ADGRA3: variants seen among roughly 807,000 people sequenced by gnomAD.
The protein encoded by ADGRA3 is adhesion G protein-coupled receptor A3.
A neutral mutation model predicts 119.8 loss-of-function variants in ADGRA3; 56 were observed. The observed-to-expected ratio is 0.47, with a 90% CI of 0.38 to 0.58. The LOEUF is 0.58. Among genes scored for constraint, ADGRA3 ranks in the 20% least tolerant of loss-of-function variants. The pLI, the probability that ADGRA3 is intolerant of heterozygous loss-of-function variation, is 0.00. For synonymous variants in ADGRA3, 607 were observed against 623.8 expected (o/e 0.97, Z 0.40); for missense variants, 1,516 against 1,649.0 (o/e 0.92, Z 1.40).
chr4:22,388,750 T>C lies in ADGRA3; in HGVS notation c.2921A>G (p.Asp974Gly). Residue 974 changes from aspartate to glycine, a missense_variant, in exon 19 of 19, where the codon GAT (aspartate) becomes GGT (glycine). By Grantham distance (94) the Asp-to-Gly change is moderately conservative (BLOSUM62 -1). Around this residue, in one of 2 missense-constraint regions of ADGRA3, gnomAD observed 1,088 missense variants for 1,107.1 expected, o/e 0.98. Coordinates refer to ENST00000334304, the MANE Select transcript of ADGRA3 (RefSeq NM_145290.4). ...ANENGEINHQ[D>G]SMSLSLISTS... ...AGAAATCAGAGACAAAGACATTGAA[T>C]CCTGATGATTTATTTCGCCATTTTC... 6.2e-7 allele frequency: 1 copy of C among 1,614,056 alleles called. No homozygotes were observed. The highest frequency in any genetic ancestry group is 8.5e-7 in the Non-Finnish European group (1 of 1,179,928).
In ADGRA3 at chr4:22,435,295, G is replaced by A; in HGVS notation, c.1443+16C>T. ...TGTTGACACTGTATGCTACAAATCT[G>A]AATTTAGAGAAGTACCTCTTTTGAT... On this transcript the variant is annotated intron_variant, in intron 10 of 18. Coordinates refer to ENST00000334304, the MANE Select transcript of ADGRA3 (RefSeq NM_145290.4). The A allele has an allele frequency of 3.1e-6, 5 of 1,604,050 alleles. No homozygotes were observed. Among genetic ancestry groups the A allele is most frequent in the Non-Finnish European group, 3.4e-6 (4 of 1,171,676 alleles).
intron 1 of ADGRA3, among the ~76,000 whole-genome samples, chr4:22,493,495 G>A (rs1186351310): frequency 6.6e-6 from 1 of 152,116 alleles, no homozygotes; most frequent in East Asian, 1.9e-4. Context: ...CTGGGTCTTT[G>A]TGGTGCTGTT....
chr4:22,415,130 T>C (rs1481823217), intron 12 of ADGRA3, among the ~76,000 whole-genome samples: 2 of 152,206 alleles, frequency 1.3e-5, no homozygotes, highest in Non-Finnish European at 2.9e-5. Context: ...AGTATGAGGA[T>C]TTGGGGTGCA....
intron 4 of ADGRA3, among the ~76,000 whole-genome samples, chr4:22,451,611 T>A (rs2323439): frequency 0.92 from 137,076 of 149,690 alleles, 62,949 homozygotes; most frequent in South Asian, 0.97. Context: ...TTGTTTTTTC[T>A]AAAAAAAAAA....
intron 14 of ADGRA3, among the ~76,000 whole-genome samples, chr4:22,404,745 T>C (rs929764842): frequency 3.3e-5 from 5 of 152,196 alleles, no homozygotes; most frequent in African/African-American, 1.2e-4. Context: ...CCCGTAACAC[T>C]AGCCTGTAAT....
Position 22,420,905 on chromosome 4 carries a change from A to C in ADGRA3, c.1790T>G (p.Phe597Cys). Residue 597 changes from phenylalanine (F) to cysteine (C), a missense_variant, in exon 12 of 19, where the codon TTT (phenylalanine) becomes TGT (cysteine). Phe to Cys is a radical substitution (Grantham distance 205). Transcript: ENST00000334304. ...ACATACCTTTAGTGCCAGACTCGAAAATGTATTTGAAACATTGCACTTAAA... is the reference window on the plus strand; with the variant it reads ...ACATACCTTTAGTGCCAGACTCGAACATGTATTTGAAACATTGCACTTAAA... ...LSFKCNVSNT[F>C]SSLALKNTIV... 6.2e-7 allele frequency: 1 copy of C among 1,614,088 alleles called. No individual in the cohort carries two copies. Among genetic ancestry groups the C allele is most frequent in the Non-Finnish European group, 8.5e-7 (1 of 1,179,956 alleles).
intron 1 of ADGRA3, among the ~76,000 whole-genome samples, chr4:22,500,819 C>T (rs1719023483): frequency 6.6e-6 from 1 of 152,100 alleles, no homozygotes; most frequent in South Asian, 2.1e-4. Flanking sequence ...CTCCCTAATC[C>T]ACTTTGGGGA....
At chr4:22,501,406 A>T (rs1193859962) in intron 1 of ADGRA3, among the ~76,000 whole-genome samples, 1 of 152,216 alleles carries the variant, frequency 6.6e-6, no homozygotes, top group Non-Finnish European at 1.5e-5. Flanking sequence ...AAAAAAATAA[A>T]GGCATCACTA....
chr4:22,406,544 T>C (rs1213458205), intron 14 of ADGRA3, among the ~76,000 whole-genome samples: 1 of 152,210 alleles, frequency 6.6e-6, no homozygotes, highest in Non-Finnish European at 1.5e-5. Context: ...GATTTGTATT[T>C]TCCTGATGAC....
At chr4:22,501,819 T>TA (rs34843842) in intron 1 of ADGRA3, among the ~76,000 whole-genome samples, 4 of 151,614 alleles carry the variant, frequency 2.6e-5, no homozygotes, top group African/African-American at 4.8e-5. Context: ...TATAAAACTT[T>TA]AAAAAAAAAG....
At chr4:22,470,439 A>G (rs1223926131) in intron 2 of ADGRA3, among the ~76,000 whole-genome samples, 1 of 152,072 alleles carries the variant, frequency 6.6e-6, no homozygotes, top group Non-Finnish European at 1.5e-5. Context: ...CATTAGTTCA[A>G]CGGAGCCAGC....
chr4:22,450,949 A>T (rs865791278), intron 4 of ADGRA3, among the ~76,000 whole-genome samples: 7,783 of 132,936 alleles, frequency 0.059, 255 homozygotes, highest in Non-Finnish European at 0.076. Flanking sequence ...AAAAAAAAAA[A>T]AAATATATAT....
At chr4:22,470,537 C>T (rs1033371094) in intron 2 of ADGRA3, among the ~76,000 whole-genome samples, 2 of 152,238 alleles carry the variant, frequency 1.3e-5, no homozygotes, top group East Asian at 3.9e-4. Context: ...ATTTCAAGGC[C>T]ACAGCTTTGA....
chr4:22,426,931 G>C (rs1577341526), intron 10 of ADGRA3, among the ~76,000 whole-genome samples: 1 of 152,100 alleles, frequency 6.6e-6, no homozygotes, highest in African/African-American at 2.4e-5. Context: ...CCTTACTTCT[G>C]GAGTTATAAA....
intron 7 of ADGRA3, among the ~76,000 whole-genome samples, chr4:22,441,293 T>G (rs1182432046): frequency 1.3e-5 from 2 of 152,168 alleles, no homozygotes; most frequent in Non-Finnish European, 2.9e-5. Flanking sequence ...AACCAAGACT[T>G]TAGCTTCTGC....
intron 1 of ADGRA3, among the ~76,000 whole-genome samples, chr4:22,482,491 T>TAA (rs34275951): frequency 7.0e-6 from 1 of 143,484 alleles, no homozygotes; most frequent in Non-Finnish European, 1.5e-5. Flanking sequence ...CCCCAACTCT[T>TAA]AAAAAAAAAA....
intron 2 of ADGRA3, among the ~76,000 whole-genome samples, chr4:22,471,168 C>T (rs1477660431): frequency 6.6e-6 from 1 of 152,134 alleles, no homozygotes. Context: ...AGCAGAGCAG[C>T]TAAGAGCCCA....
intron 1 of ADGRA3, among the ~76,000 whole-genome samples, chr4:22,490,546 GGAGT>G (rs1330462715): frequency 6.6e-6 from 1 of 151,886 alleles, no homozygotes; most frequent in East Asian, 1.9e-4. Context: ...TTGTGTCCTG[GGAGT>G]GAGAGCAGAA....
At chr4:22,462,709 T>C (rs973634915) in intron 2 of ADGRA3, among the ~76,000 whole-genome samples, 1 of 152,170 alleles carries the variant, frequency 6.6e-6, no homozygotes, top group Non-Finnish European at 1.5e-5. Context: ...CTTCCTACCA[T>C]GTGGTATTTG....
Sources: gnomAD v4.1 joint callset for allele counts (sites outside exome capture counted in the v4.1 genomes callset) on GRCh38, gnomAD v4.1.1 for gene constraint, gnomAD v4.1.1 regional missense constraint, MANE v1.5 for transcripts, NCBI Gene and HGNC (gene_info 2026-07-23, HGNC 2026-07-21) for gene names.